FOXP1: variants seen among roughly 807,000 people sequenced by gnomAD.
FOXP1 encodes forkhead box protein P1.
In FOXP1, 15 loss-of-function variants were observed where a neutral mutation model predicts 98.2. The ratio of observed to expected loss-of-function variants is 0.15; its 90% CI spans 0.10 to 0.24. FOXP1 has a LOEUF of 0.24. Ranked by LOEUF, FOXP1 falls within the 10% of genes least tolerant of loss-of-function variation. The probability of loss-of-function intolerance (pLI) is 1.00; values close to 1 mark genes in which losing one functional copy is unlikely to be tolerated. For missense variants in FOXP1, 633 were observed against 848.5 expected, an observed-to-expected ratio of 0.75 and a Z score of 3.15; for synonymous variants, 371 against 314.5, an observed-to-expected ratio of 1.18 and a Z score of -1.90.
At position 70,988,923 on chromosome 3, in the gene FOXP1, T is replaced by C. The variant is rs553760814; in HGVS notation, c.1063-846A>G. On this transcript the variant is annotated intron_variant, in intron 13 of 20. Coordinates refer to ENST00000649528, the MANE Select transcript of FOXP1 (RefSeq NM_001349338.3). ...AAAGGGATAGTCAAGAGAACAGCTG[T>C]GGCATTTAGGGAAGATGGAGAAGAG... Among the ~76,000 whole-genome samples, 84 of 152,184 alleles carry C rather than the reference T, an allele frequency of 5.5e-4. No individual in the cohort carries two copies. The South Asian group carries it at 6.9e-3, about 12-fold the overall frequency.
chr3:71,560,262 C>T (rs143018238), intron 2 of FOXP1, among the ~76,000 whole-genome samples: 2 of 152,340 alleles, frequency 1.3e-5, no homozygotes, highest in East Asian at 1.9e-4. Context: ...GACTCTTCCA[C>T]AGACAGTGAA....
At chr3:71,047,731 C>A (rs966079215) in intron 9 of FOXP1, among the ~76,000 whole-genome samples, 4 of 152,166 alleles carry the variant, frequency 2.6e-5, no homozygotes, top group African/African-American at 7.2e-5. Flanking sequence ...TTAACATGAA[C>A]GACAGTCTAA....
At chr3:71,467,695 T>C (rs2088915565) in intron 3 of FOXP1, among the ~76,000 whole-genome samples, 1 of 152,170 alleles carries the variant, frequency 6.6e-6, no homozygotes, top group African/African-American at 2.4e-5. Flanking sequence ...GCCCAAAACT[T>C]TATATTACTA....
chr3:71,198,577 C>A (rs979978469), intron 5 of FOXP1, among the ~76,000 whole-genome samples, 185 bp from the exon 6 acceptor site: 1 of 152,214 alleles, frequency 6.6e-6, no homozygotes, highest in Non-Finnish European at 1.5e-5. Flanking sequence ...AGTTTCGGGT[C>A]TGAAACTGTC....
chr3:71,182,215 A>G (rs1235018565), intron 6 of FOXP1, among the ~76,000 whole-genome samples: 1 of 152,140 alleles, frequency 6.6e-6, no homozygotes, highest in Non-Finnish European at 1.5e-5. Flanking sequence ...CTGTGGAGAG[A>G]TAACACCAGG....
At chr3:70,992,555 C>T (rs1575949432) in intron 13 of FOXP1, among the ~76,000 whole-genome samples, 1 of 152,146 alleles carries the variant, frequency 6.6e-6, no homozygotes, top group Non-Finnish European at 1.5e-5. Context: ...CAGTGAAAAA[C>T]TTTTAAATGA....
rs943881870 is a variant in FOXP1 at position 70,955,873 on chromosome 3, C to T, written c.*3374G>A. 1.3e-5 allele frequency: 3 copies of T among 230,842 alleles called. No homozygotes were observed. The highest frequency in any genetic ancestry group is 6.8e-5 in the African/African-American group (3 of 43,852). The allele number at this position is 230,842 out of a possible 1,614,324, so 14.3% of individuals were successfully genotyped here. A position where few individuals can be genotyped will look rare whatever the true frequency, so the allele number is the denominator to read the frequency against. ...ACACACACAAAACCTGTACAAAATG[C>T]TCCAATCAATGAGAACAGAAAAAAG... On this transcript the variant is annotated 3_prime_UTR_variant, in exon 21 of 21. Transcript: ENST00000649528.
chr3:71,346,842 G>A (rs2077395583), intron 4 of FOXP1, among the ~76,000 whole-genome samples: 1 of 152,100 alleles, frequency 6.6e-6, no homozygotes, highest in Non-Finnish European at 1.5e-5. Flanking sequence ...TCAAGAGATA[G>A]AGACTATCCT....
chr3:71,013,680 C>T (rs1281376105), intron 12 of FOXP1, among the ~76,000 whole-genome samples: 1 of 152,124 alleles, frequency 6.6e-6, no homozygotes, highest in Non-Finnish European at 1.5e-5. Flanking sequence ...AAAAAAGAGC[C>T]CACATTGCCA....
intron 6 of FOXP1, among the ~76,000 whole-genome samples, chr3:71,115,421 C>T (rs1254545635): frequency 6.6e-6 from 1 of 151,980 alleles, no homozygotes; most frequent in Non-Finnish European, 1.5e-5. Context: ...GCTGCAACCT[C>T]TGCCTCCCGG....
chr3:71,443,414 T>C (rs918346795), intron 3 of FOXP1, among the ~76,000 whole-genome samples: 1 of 152,222 alleles, frequency 6.6e-6, no homozygotes, highest in African/African-American at 2.4e-5. Context: ...GTCGCCCTAC[T>C]GTGAACAGGA....
chr3:71,418,418 T>A (rs2083383182), intron 3 of FOXP1, among the ~76,000 whole-genome samples: 1 of 152,144 alleles, frequency 6.6e-6, no homozygotes, highest in African/African-American at 2.4e-5. Flanking sequence ...TTTTAAAAAA[T>A]TTTCCCTCAT....
intron 3 of FOXP1, among the ~76,000 whole-genome samples, chr3:71,425,689 T>TG (rs561942136): frequency 7.3e-5 from 11 of 150,772 alleles, no homozygotes; most frequent in East Asian, 1.9e-4. Flanking sequence ...ATTTTAAAGG[T>TG]GGGGGGGCTC....
chr3:71,265,903 A>T (rs1433441204), intron 5 of FOXP1, among the ~76,000 whole-genome samples: 1 of 152,176 alleles, frequency 6.6e-6, no homozygotes, highest in Non-Finnish European at 1.5e-5. Flanking sequence ...TTCACACCTC[A>T]GGAAACAAGG....
chr3:71,379,679 G>C (rs2108040084), intron 3 of FOXP1, among the ~76,000 whole-genome samples: 1 of 152,284 alleles, frequency 6.6e-6, no homozygotes, highest in African/African-American at 2.4e-5. Context: ...AAATTGCTGT[G>C]TCCATAAATG....
chr3:71,051,697 T>C (rs1348494855), intron 9 of FOXP1, among the ~76,000 whole-genome samples: 1 of 152,174 alleles, frequency 6.6e-6, no homozygotes, highest in Non-Finnish European at 1.5e-5. Context: ...CAAGTTAAAT[T>C]GGATAACTCT....
chr3:71,193,448 GTTAT>G (rs1228315185), intron 6 of FOXP1, among the ~76,000 whole-genome samples: 2 of 92,232 alleles, frequency 2.2e-5, no homozygotes, highest in Non-Finnish European at 4.1e-5. Flanking sequence ...GCGCCCAGCC[GTTAT>G]TTGTTTTTTT....
intron 4 of FOXP1, chr3:71,334,533 C>T (rs1289314966): frequency 6.6e-6 from 1 of 152,112 alleles, no homozygotes; most frequent in African/African-American, 2.4e-5. Context: ...CTACATATTG[C>T]AAAAGGACCC....
chr3:71,466,911 C>T (rs182085430), intron 3 of FOXP1, among the ~76,000 whole-genome samples: 86 of 152,224 alleles, frequency 5.6e-4, no homozygotes, highest in African/African-American at 1.3e-3. Context: ...TCCTTGGATA[C>T]GTTTTGTTTG....
Sources: allele counts gnomAD v4.1 joint callset (sites outside exome capture counted in the v4.1 genomes callset), GRCh38; gene constraint gnomAD v4.1.1; transcripts MANE v1.5; gene names NCBI Gene and HGNC (gene_info 2026-07-23, HGNC 2026-07-21).